KCNQ3: variants seen among roughly 807,000 people sequenced by gnomAD.
The protein encoded by KCNQ3 is potassium voltage-gated channel subfamily Q member 3, also known as potassium voltage-gated channel subfamily KQT member 3.
KCNQ3 carries 30 observed loss-of-function variants against 92.5 expected under a neutral mutation model. The observed-to-expected ratio is 0.32, with a 90% CI of 0.24 to 0.44. KCNQ3 has a LOEUF of 0.44. Ranked by LOEUF, KCNQ3 falls within the 20% of genes least tolerant of loss-of-function variation. The pLI, the probability that KCNQ3 is intolerant of heterozygous loss-of-function variation, is 1.00. For missense variants in KCNQ3, 913 were observed against 1,140.3 expected (o/e 0.80, Z 2.87); for synonymous variants, 450 against 468.8 (o/e 0.96, Z 0.52).
intron 1 of KCNQ3, among the ~76,000 whole-genome samples, chr8:132,359,030 C>T (rs886125170): frequency 2.0e-5 from 3 of 152,334 alleles, no homozygotes; most frequent in African/African-American, 7.2e-5. Context: ...TCTGCATTAA[C>T]ACTCATTATG....
rs1274537866 is a variant in KCNQ3 at position 132,448,621 on chromosome 8, T to C, written c.386+31526A>G. Among the ~76,000 whole-genome samples, 3 of 151,918 alleles carry C rather than the reference T, an allele frequency of 2.0e-5. No homozygotes were observed. The East Asian group carries it at 5.8e-4, about 29-fold the overall frequency. On this transcript the variant is annotated intron_variant, in intron 1 of 14. Transcript: ENST00000388996. The stretch of plus-strand genomic sequence containing the variant: ...GTTTTGATTGTTGCTATTTTATAGC[T>C]AGGAAAAACTAAGCAAAAGCAATCT...
chr8:132,457,834 T>C (rs1221810882), intron 1 of KCNQ3, among the ~76,000 whole-genome samples: 2 of 152,190 alleles, frequency 1.3e-5, no homozygotes. Flanking sequence ...TATCCTATTT[T>C]ACCAACGAAG....
chr8:132,456,712 C>T (rs548226848), intron 1 of KCNQ3, among the ~76,000 whole-genome samples: 10 of 151,830 alleles, frequency 6.6e-5, no homozygotes, highest in Admixed American at 2.0e-4. Flanking sequence ...GCCAGGTTCA[C>T]GCCATTCTCC....
At chr8:132,132,513 A>G (rs1021421541) in intron 13 of KCNQ3, among the ~76,000 whole-genome samples, 1 of 152,256 alleles carries the variant, frequency 6.6e-6, no homozygotes, top group Non-Finnish European at 1.5e-5. Context: ...TCAAGCTGCT[A>G]TTAAGGAGGC....
chr8:132,165,174 T>C (rs1287982139), intron 8 of KCNQ3, among the ~76,000 whole-genome samples: 2 of 152,200 alleles, frequency 1.3e-5, no homozygotes, highest in Admixed American at 6.5e-5. Flanking sequence ...CTTCAGTTCA[T>C]GTCATCTGGC....
At chr8:132,324,280 A>G (rs1011824647) in intron 1 of KCNQ3, among the ~76,000 whole-genome samples, 2 of 152,060 alleles carry the variant, frequency 1.3e-5, no homozygotes, top group African/African-American at 2.4e-5. Context: ...CTTCATTCTA[A>G]TGTCCTTCCT....
intron 1 of KCNQ3, among the ~76,000 whole-genome samples, chr8:132,238,418 C>A (rs1586854401): frequency 6.6e-6 from 1 of 152,250 alleles, no homozygotes; most frequent in East Asian, 1.9e-4. Context: ...AGCCCCTGAA[C>A]CCTGAAGTAC....
chr8:132,397,968 A>C (rs1444032172), intron 1 of KCNQ3, among the ~76,000 whole-genome samples: 6 of 152,188 alleles, frequency 3.9e-5, no homozygotes, highest in Admixed American at 2.0e-4. Flanking sequence ...TAATTTATAA[A>C]ATATTAACTC....
At chr8:132,333,247 A>G (rs1161448213) in intron 1 of KCNQ3, among the ~76,000 whole-genome samples, 1 of 152,196 alleles carries the variant, frequency 6.6e-6, no homozygotes, top group Non-Finnish European at 1.5e-5. Flanking sequence ...TAAGTCCTGC[A>G]GGTACAAGTG....
intron 1 of KCNQ3, among the ~76,000 whole-genome samples, chr8:132,312,753 C>G (rs1184332741): frequency 6.6e-5 from 10 of 152,152 alleles, no homozygotes; most frequent in African/African-American, 2.2e-4. Context: ...TCTCGCTCTC[C>G]CTCACCTGCT....
intron 4 of KCNQ3, 113 bp from the exon 5 acceptor site, chr8:132,175,721 T>C: frequency 1.1e-6 from 1 of 918,102 alleles, no homozygotes; most frequent in Non-Finnish European, 1.8e-6. Flanking sequence ...GTGACTGTGG[T>C]CAAATCACTC....
chr8:132,478,787 G>A (rs1446656442), intron 1 of KCNQ3, among the ~76,000 whole-genome samples: 2 of 152,062 alleles, frequency 1.3e-5, no homozygotes, highest in Non-Finnish European at 2.9e-5. Context: ...GAAACCTGTT[G>A]CTAAGTCTGA....
In KCNQ3 at chr8:132,366,284, C is replaced by T. The variant is rs182958569; in HGVS notation, c.386+113863G>A. On this transcript the variant is annotated intron_variant, in intron 1 of 14. Coordinates refer to ENST00000388996, the MANE Select transcript of KCNQ3 (RefSeq NM_004519.4). ...ACCATTACTATGGTAAATTGTATAT[C>T]GATTTCTATATATGACTTTTTTGCC... Among the ~76,000 whole-genome samples the T allele has an allele frequency of 1.1e-3, 173 of 152,104 alleles. 1 individual carries two copies. Among genetic ancestry groups the T allele is most frequent in the African/African-American group, 4.0e-3 (166 of 41,526 alleles).
chr8:132,255,565 CGA>C (rs1815557490), intron 1 of KCNQ3, among the ~76,000 whole-genome samples: 1 of 152,158 alleles, frequency 6.6e-6, no homozygotes. Context: ...AATAAAGACC[CGA>C]GAGAGCCCTA....
At chr8:132,137,253 A>C (rs941298525) in intron 12 of KCNQ3, among the ~76,000 whole-genome samples, 7 of 152,178 alleles carry the variant, frequency 4.6e-5, no homozygotes, top group African/African-American at 1.7e-4. Context: ...ATGGTGTATT[A>C]GAGAGAATAG....
intron 1 of KCNQ3, among the ~76,000 whole-genome samples, chr8:132,478,629 G>A (rs1035698766): frequency 6.6e-6 from 1 of 150,764 alleles, no homozygotes; most frequent in African/African-American, 2.4e-5. Context: ...CCTGCAAATA[G>A]ACACACACAC....
chr8:132,364,716 G>GATGT (rs796111282), intron 1 of KCNQ3, among the ~76,000 whole-genome samples: 2 of 151,784 alleles, frequency 1.3e-5, no homozygotes, highest in Admixed American at 1.3e-4. Context: ...TGGATGGATG[G>GATGT]ATGGACGATG....
At chr8:132,253,983 G>C (rs1426424059) in intron 1 of KCNQ3, among the ~76,000 whole-genome samples, 3 of 152,248 alleles carry the variant, frequency 2.0e-5, no homozygotes, top group Non-Finnish European at 2.9e-5. Context: ...GCAGATGGGA[G>C]CTATTATCTA....
At position 132,129,996 on chromosome 8, in the gene KCNQ3, C is replaced by G. The variant is rs185511111; in HGVS notation, c.1885G>C (p.Val629Leu). ...TCCAGCTTCTTCCCCATGTCCTGAA[C>G]CTGGAAAATCAAAGGAGCTGTGAAT... ...MGKFVKVERQ[V>L]QDMGKKLDFL... is the part of the protein sequence containing the mutation. Residue 629 changes from valine (V) to leucine (L), a missense_variant and splice_region_variant, in exon 15 of 15, where the codon GTT (valine) becomes CTT (leucine). This residue lies in a region of KCNQ3 where 375 missense variants were observed against 376.4 expected (regional missense o/e 1.00). Coordinates refer to ENST00000388996, the MANE Select transcript of KCNQ3 (RefSeq NM_004519.4). This position sits in a 1 kb window ranked among gnomAD's most constrained non-coding sequence, Gnocchi z 5.9. 136 of 1,613,100 alleles carry G rather than the reference C, an allele frequency of 8.4e-5. No individual in the cohort carries two copies. Among genetic ancestry groups the G allele is most frequent in the Admixed American group, 1.8e-4 (11 of 60,014 alleles).
Sources: gnomAD v4.1 joint callset for allele counts (sites outside exome capture counted in the v4.1 genomes callset) on GRCh38, gnomAD v4.1.1 for gene constraint, gnomAD v4.1.1 regional missense constraint, Gnocchi (gnomAD v3.1) non-coding constraint, MANE v1.5 for transcripts, NCBI Gene and HGNC (gene_info 2026-07-23, HGNC 2026-07-21) for gene names.